CILK1: variants seen among roughly 807,000 people sequenced by gnomAD.
CILK1 encodes ciliogenesis associated kinase 1.
CILK1 carries 47 observed loss-of-function variants against 79.2 expected under a neutral mutation model. The ratio of observed to expected loss-of-function variants is 0.59; its 90% CI spans 0.47 to 0.76. CILK1 has a LOEUF of 0.76. Among genes scored for constraint, CILK1 ranks in the 30% least tolerant of loss-of-function variants. The probability of loss-of-function intolerance (pLI) is 0.00; values close to 1 mark genes in which losing one functional copy is unlikely to be tolerated. For synonymous variants in CILK1, 266 were observed against 275.9 expected (o/e 0.96, Z 0.36); for missense variants, 660 against 769.5 (o/e 0.86, Z 1.68).
chr6:53,006,475 C>T (rs552018812), intron 12 of CILK1, 38 bp from the exon 13 acceptor site: 8 of 1,608,502 alleles, frequency 5.0e-6, no homozygotes, highest in African/African-American at 2.7e-5. Context: ...ATTACAAAGA[C>T]ATGTACCCAG....
At chr6:53,006,481 C>T (rs762652062) in intron 12 of CILK1, 44 bp from the exon 13 acceptor site, 5 of 1,605,716 alleles carry the variant, frequency 3.1e-6, no homozygotes, top group East Asian at 2.2e-5. Flanking sequence ...AAGACATGTA[C>T]CCAGGACACC....
intron 11 of CILK1, among the ~76,000 whole-genome samples, chr6:53,010,248 C>T (rs1764492270): frequency 6.6e-6 from 1 of 152,198 alleles, no homozygotes; most frequent in South Asian, 2.1e-4. Context: ...CTTCTAAGAA[C>T]AAAATGTCAA....
chr6:53,040,545 AC>A (rs898573804), intron 2 of CILK1, among the ~76,000 whole-genome samples: 12 of 152,324 alleles, frequency 7.9e-5, no homozygotes, highest in African/African-American at 2.6e-4. Context: ...TTTGGATGAG[AC>A]CCCAGCTTTG....
At chr6:53,024,342 GA>G in intron 5 of CILK1, among the ~76,000 whole-genome samples, 1 of 152,290 alleles carries the variant, frequency 6.6e-6, no homozygotes, top group Non-Finnish European at 1.5e-5. Context: ...CCTTTAAAAT[GA>G]ATGAAAAGAT....
chr6:53,035,118 T>G (rs1172086015), intron 3 of CILK1, among the ~76,000 whole-genome samples: 1 of 152,064 alleles, frequency 6.6e-6, no homozygotes, highest in Non-Finnish European at 1.5e-5. Context: ...CTGCCTTAAG[T>G]AGAGTTGCAG....
Position 53,017,773 on chromosome 6 carries a change from C to T in CILK1, c.663+557G>A, listed in dbSNP as rs73743138. Among the ~76,000 whole-genome samples, 748 of 152,250 alleles carry T rather than the reference C, an allele frequency of 4.9e-3. 4 individuals are homozygous for T. The highest frequency in any genetic ancestry group is 0.016 in the African/African-American group (667 of 41,536). ...TATTCAACAGGATTTACCCACCAACCGCTTAGATGAAGGGAAAGGGGAGCA... is the reference window on the plus strand; with the variant it reads ...TATTCAACAGGATTTACCCACCAACTGCTTAGATGAAGGGAAAGGGGAGCA... On this transcript the variant is annotated intron_variant, in intron 7 of 13. Coordinates refer to ENST00000676107, the MANE Select transcript of CILK1 (RefSeq NM_014920.5).
intron 5 of CILK1, among the ~76,000 whole-genome samples, chr6:53,025,033 A>T (rs1765485103): frequency 6.6e-6 from 1 of 151,988 alleles, no homozygotes; most frequent in Non-Finnish European, 1.5e-5. Context: ...GGATTTTGCC[A>T]TGCTGGTCAA....
chr6:53,043,272 C>T (rs1333771876), intron 1 of CILK1, among the ~76,000 whole-genome samples: 5 of 151,940 alleles, frequency 3.3e-5, no homozygotes, highest in Admixed American at 1.3e-4. Context: ...GCCGAGATCA[C>T]GCCACTGCAC....
chr6:53,025,022 A>G (rs1249606090), intron 5 of CILK1, among the ~76,000 whole-genome samples: 1 of 151,894 alleles, frequency 6.6e-6, no homozygotes, highest in African/African-American at 2.4e-5. Context: ...TAGTAGAGAC[A>G]GGATTTTGCC....
At position 53,011,056 on chromosome 6, in the gene CILK1, T is replaced by C. The variant is rs368348146; in HGVS notation, c.1492+713A>G. The stretch of plus-strand genomic sequence containing the variant: ...TCACTAATGCTGTAAGTTTGGAATA[T>C]AGAAAATCAGGAGAGAGGCTTGGAT... On this transcript the variant is annotated intron_variant, in intron 11 of 13. Transcript: ENST00000676107. Among the ~76,000 whole-genome samples, 13 of 152,320 alleles carry C rather than the reference T, an allele frequency of 8.5e-5. No individual in the cohort carries two copies. In the East Asian group the frequency reaches 1.7e-3, roughly 20 times the overall value.
At chr6:53,033,435 T>C (rs545554784) in intron 3 of CILK1, among the ~76,000 whole-genome samples, 143 of 152,316 alleles carry the variant, frequency 9.4e-4, no homozygotes, top group South Asian at 4.4e-3. Flanking sequence ...GTTTTCTGTT[T>C]GTATTGCTAG....
At chr6:53,041,586 C>T (rs1766715097) in intron 1 of CILK1, among the ~76,000 whole-genome samples, 178 bp from the exon 2 acceptor site, 1 of 152,214 alleles carries the variant, frequency 6.6e-6, no homozygotes, top group Non-Finnish European at 1.5e-5. Flanking sequence ...CTGCAAAGCC[C>T]AAAGTACAGC....
chr6:53,051,810 T>C (rs1767495958), intron 1 of CILK1, among the ~76,000 whole-genome samples: 2 of 152,196 alleles, frequency 1.3e-5, no homozygotes, highest in Non-Finnish European at 2.9e-5. Flanking sequence ...ATCATCTAAA[T>C]TACACAGCAG....
Position 53,003,291 on chromosome 6 carries a change from A to T in CILK1, c.*1858T>A, listed in dbSNP as rs1000775913. The T allele has an allele frequency of 1.3e-5, 2 of 152,300 alleles. No individual in the cohort carries two copies. Among genetic ancestry groups the T allele is most frequent in the South Asian group, 4.2e-4 (2 of 4,812 alleles). 9.4% of individuals were successfully genotyped at this position (152,300 alleles called of 1,614,324 possible). On this transcript the variant is annotated 3_prime_UTR_variant, in exon 14 of 14. Coordinates refer to ENST00000676107, the MANE Select transcript of CILK1 (RefSeq NM_014920.5). The stretch of plus-strand genomic sequence containing the variant: ...AGTCAAATTCTCCAAAGCATAAATT[A>T]CTCTCCGATTTTAGGTTAGGGCCCT...
chr6:53,011,696 C>A (rs1764579402), intron 11 of CILK1, 73 bp downstream of exon 11: 21 of 1,429,070 alleles, frequency 1.5e-5, no homozygotes, highest in Non-Finnish European at 2.1e-5. Flanking sequence ...AAAACAGAAC[C>A]TTTGTGAATA....
intron 7 of CILK1, 121 bp downstream of exon 7, chr6:53,018,209 G>T: frequency 1.1e-6 from 1 of 951,622 alleles, no homozygotes; most frequent in Non-Finnish European, 1.7e-6. Context: ...AATGACTGAG[G>T]TCAAGAGAAA....
rs781197635 is a variant in CILK1 at position 53,012,031 on chromosome 6, A to C, written c.1343+6T>G. ...GTCTGTTTACAAATGTGAGCAGCAC[A>C]CTTGCCTGCAGAGAGTGTCATCACT... On this transcript the variant is annotated splice_donor_region_variant and intron_variant, in intron 10 of 13. Transcript: ENST00000676107. 9.3e-6 allele frequency: 15 copies of C among 1,614,212 alleles called. No individual in the cohort carries two copies. Among genetic ancestry groups the C allele is most frequent in the Non-Finnish European group, 8.5e-7 (1 of 1,180,008 alleles).
rs150278516 is a variant in CILK1 at position 53,005,228 on chromosome 6, C to A, written c.1820G>T (p.Gly607Val). 1.9e-5 allele frequency: 30 copies of A among 1,614,180 alleles called. No individual in the cohort carries two copies. Among genetic ancestry groups the A allele is most frequent in the Non-Finnish European group, 2.4e-5 (28 of 1,180,036 alleles). ...FFHTQPRSTP[G>V]LIPRPPAAQP... ...GGCGGCTGGAGGCCGTGGTATCAAC[C>A]CAGGAGTGCTTCTAGGCTGGGTGTG... The change falls in exon 14 of 14, where the codon GGG (glycine) becomes GTG (valine). Residue 607 changes from glycine (G) to valine (V), a missense_variant. By Grantham distance (109) the Gly-to-Val change is moderately radical. Coordinates refer to ENST00000676107, the MANE Select transcript of CILK1 (RefSeq NM_014920.5).
At chr6:53,043,738 T>G (rs564569543) in intron 1 of CILK1, among the ~76,000 whole-genome samples, 2 of 151,896 alleles carry the variant, frequency 1.3e-5, no homozygotes, top group Non-Finnish European at 2.9e-5. Flanking sequence ...GCTTAGAGTC[T>G]CCTGGCAGGG....
Sources: allele counts gnomAD v4.1 joint callset (sites outside exome capture counted in the v4.1 genomes callset), GRCh38; gene constraint gnomAD v4.1.1; transcripts MANE v1.5; gene names NCBI Gene and HGNC (gene_info 2026-07-23, HGNC 2026-07-21).